Variants in CROCC2 observed in about 807,000 individuals in gnomAD.
CROCC2 encodes the protein ciliary rootlet coiled-coil protein 2.
Under a neutral mutation model 177.6 loss-of-function variants are expected in CROCC2, and 163 were observed. That is an observed-to-expected ratio of 0.92 (90% CI 0.81 to 1.05). The LOEUF (loss-of-function observed/expected upper bound fraction) is 1.05, where lower values mean the gene tolerates loss of function less well. Among genes scored for constraint, CROCC2 ranks in the 50% least tolerant of loss-of-function variants. The pLI is 0.00. For synonymous variants in CROCC2, 904 were observed against 787.3 expected (o/e 1.15, Z -2.48); for missense variants, 1,929 against 1,797.8 (o/e 1.07, Z -1.32).
chr2:240,926,181 G>A (rs114389441), intron 5 of CROCC2, among the ~76,000 whole-genome samples: 143 of 152,352 alleles, frequency 9.4e-4, no homozygotes, highest in Middle Eastern at 3.4e-3. Context: ...GGAGAGGCAG[G>A]TTGTTCTCCG....
rs2059541298 is a variant in CROCC2, at chr2:240,949,568, C to T, written c.2518C>T (p.Gln840Ter). The T allele has an allele frequency of 1.3e-6, 2 of 1,550,552 alleles. No homozygotes were observed. Among genetic ancestry groups the T allele is most frequent in the Non-Finnish European group, 1.7e-6 (2 of 1,146,944 alleles). The change falls in exon 17 of 32, where the codon CAG (glutamine) becomes TAG (stop). Residue 840 changes from glutamine (Q) to a stop codon, truncating the protein, a stop_gained. Transcript: ENST00000690015. LOFTEE classifies it high-confidence loss of function. This position sits in a 1 kb window ranked among gnomAD's most constrained non-coding sequence, Gnocchi z 4.5. ...GCAGCTACAAAGTGACTGGGAGGTC[C>T]AGGAAATGAAGCTGCGGCAGGACAC... ...MEQLQSDWEVQEMKLRQDTVR... is the reference protein window; with the variant it reads ...MEQLQSDWEV
intron 18 of CROCC2, among the ~76,000 whole-genome samples, chr2:240,951,879 C>T (rs754409070): frequency 6.6e-6 from 1 of 152,224 alleles, no homozygotes; most frequent in Non-Finnish European, 1.5e-5. Context: ...ATCTGGCCAT[C>T]CTTCCATCCC....
At chr2:240,912,202 T>A (rs1024535938) in intron 1 of CROCC2, among the ~76,000 whole-genome samples, 20 of 152,196 alleles carry the variant, frequency 1.3e-4, no homozygotes, top group African/African-American at 4.8e-4. Context: ...TGTGTGGGTT[T>A]TTCCTGACAC....
intron 27 of CROCC2, among the ~76,000 whole-genome samples, chr2:240,974,525 CTTTTTTTTCTTTTTTT>C (rs1351404099): frequency 1.5e-5 from 1 of 68,500 alleles, no homozygotes; most frequent in Non-Finnish European, 2.8e-5. Context: ...TATTTTCTTT[CTTTTTTTTCTTTTTTT>C]TTTTTTTTTG....
At chr2:240,950,550 C>A in intron 18 of CROCC2, 40 bp downstream of exon 18, 1 of 1,522,758 alleles carries the variant, frequency 6.6e-7, no homozygotes, top group Non-Finnish European at 8.8e-7. Context: ...TGCTCACACC[C>A]ACTGCACCTG....
At chr2:240,933,962 T>A (rs932334741) in intron 11 of CROCC2, 110 bp downstream of exon 11, 38 of 1,223,302 alleles carry the variant, frequency 3.1e-5, no homozygotes, top group Non-Finnish European at 4.3e-5. Context: ...ACCTGTCTCA[T>A]CTCAGGGTGT....
intron 22 of CROCC2, among the ~76,000 whole-genome samples, chr2:240,964,866 AC>A (rs1401423953): frequency 6.6e-6 from 1 of 152,112 alleles, no homozygotes; most frequent in Non-Finnish European, 1.5e-5. Flanking sequence ...GAGGAAGGGA[AC>A]CATGCCCAGC....
At chr2:240,915,863 C>T (rs964147265) in intron 1 of CROCC2, among the ~76,000 whole-genome samples, 4 of 152,130 alleles carry the variant, frequency 2.6e-5, no homozygotes, top group Non-Finnish European at 4.4e-5. Context: ...AGATAGGGGC[C>T]GGGCTCAGCT....
chr2:240,966,928 A>C (rs191840789), intron 25 of CROCC2, among the ~76,000 whole-genome samples: 2 of 150,772 alleles, frequency 1.3e-5, no homozygotes, highest in Admixed American at 1.3e-4. Context: ...CTCTGTGCAC[A>C]CTCCTTCCCT....
rs559021323 is a variant in CROCC2 at position 240,958,663 on chromosome 2, G to C, written c.2944-638G>C. On this transcript the variant is annotated intron_variant, in intron 19 of 31. Transcript: ENST00000690015. This position sits in a 1 kb window ranked among gnomAD's most constrained non-coding sequence, Gnocchi z 6.7. ...GCAGAGCCTGAGCAGGGCAGGGCTCGGACCCTTCATGTTGAGGACACTGAG... is the reference window on the plus strand; with the variant it reads ...GCAGAGCCTGAGCAGGGCAGGGCTCCGACCCTTCATGTTGAGGACACTGAG... The C allele has an allele frequency of 1.1e-6, 1 of 881,842 alleles. No homozygotes were observed. Among genetic ancestry groups the C allele is most frequent in the Non-Finnish European group, 1.4e-6 (1 of 735,298 alleles). The allele number at this position is 881,842 out of a possible 1,614,324, so 54.6% of individuals were successfully genotyped here. A position where few individuals can be genotyped will look rare whatever the true frequency, so the allele number is the denominator to read the frequency against.
intron 14 of CROCC2, among the ~76,000 whole-genome samples, chr2:240,937,710 G>A (rs1413626783): frequency 1.3e-5 from 2 of 152,164 alleles, no homozygotes; most frequent in Non-Finnish European, 2.9e-5. Flanking sequence ...CTCCACGTGT[G>A]CTTCCCAGAC....
At position 240,955,011 on chromosome 2, in the gene CROCC2, C is replaced by G. The variant is rs971444293; in HGVS notation, c.2830-848C>G. 2.6e-5 allele frequency: 4 copies of G among 152,282 alleles called. No homozygotes were observed. In the Middle Eastern group the frequency reaches 0.01, roughly 388 times the overall value. The allele number at this position is 152,282 out of a possible 1,614,324, so 9.4% of individuals were successfully genotyped here. A position where few individuals can be genotyped will look rare whatever the true frequency, so the allele number is the denominator to read the frequency against. ...AATATACAGCGTTACCTCCCCAACA[C>G]TGCATTTTTAATACAAAAGGAATGA... is the stretch of plus-strand genomic sequence containing the variant. On this transcript the variant is annotated intron_variant, in intron 18 of 31. Transcript: ENST00000690015.
rs776866253 is a variant in CROCC2 at position 240,946,276 on chromosome 2, G to C, written c.2363+23G>C. 9 of 1,509,432 alleles carry C rather than the reference G, an allele frequency of 6.0e-6. No homozygotes were observed. In the South Asian group the frequency reaches 1.1e-4, roughly 19 times the overall value. 93.5% of individuals were successfully genotyped at this position (1,509,432 alleles called of 1,614,324 possible). ...CAGGTATGCAAGGGCCTGCCAGTCA[G>C]GGCATGTCCCACGTGTCCTTGCCCA... On this transcript the variant is annotated intron_variant, in intron 15 of 31. Coordinates refer to ENST00000690015, the MANE Select transcript of CROCC2 (RefSeq NM_001351305.2).
rs2059412171 is a variant in CROCC2 at position 240,929,160 on chromosome 2, G to C, written c.646-1006G>C. ...ATCTCAGGTGTGGGATCAGGTGAGG[G>C]GGTCAGGCAAGCTTCATGAAGGTGA... is the stretch of plus-strand genomic sequence containing the variant. On this transcript the variant is annotated intron_variant, in intron 5 of 31. Coordinates refer to ENST00000690015, the MANE Select transcript of CROCC2 (RefSeq NM_001351305.2). Among the ~76,000 whole-genome samples the C allele has an allele frequency of 2.6e-5, 4 of 152,118 alleles. No individual in the cohort carries two copies. In the South Asian group the frequency reaches 8.3e-4, roughly 31 times the overall value.
chr2:240,961,927 G>A (rs994847073), intron 20 of CROCC2, among the ~76,000 whole-genome samples: 1 of 144,998 alleles, frequency 6.9e-6, no homozygotes, highest in African/African-American at 2.6e-5. Flanking sequence ...GCATACGGAC[G>A]TGCACACACA....
At position 240,918,769 on chromosome 2, in the gene CROCC2, A is replaced by AC. The variant is rs1229038527; in HGVS notation, c.124dup (p.Arg42ProfsTer23). ...CTGAGTCCCACAGCCAGCAGGGAAG[A>AC]CCGGGCGCTGACCGTGCGTGGGGAA... On this transcript the variant is annotated frameshift_variant, in exon 2 of 32. Coordinates refer to ENST00000690015, the MANE Select transcript of CROCC2 (RefSeq NM_001351305.2). LOFTEE classifies it high-confidence loss of function. The surrounding 1 kb of genome is among the most constrained non-coding windows in gnomAD (Gnocchi z 6.3). 1.7e-6 allele frequency: 1 copy of AC among 586,948 alleles called. No individual in the cohort carries two copies. The highest frequency in any genetic ancestry group is 3.1e-6 in the Non-Finnish European group (1 of 322,966). The allele number at this position is 586,948 out of a possible 1,614,324, so 36.4% of individuals were successfully genotyped here.
chr2:240,928,604 G>A (rs2059408877), intron 5 of CROCC2, among the ~76,000 whole-genome samples: 1 of 152,224 alleles, frequency 6.6e-6, no homozygotes, highest in Non-Finnish European at 1.5e-5. Flanking sequence ...TAATCTGGCA[G>A]CCACACCTCC....
chr2:240,959,261 C>T lies in CROCC2; in HGVS notation c.2944-40C>T, dbSNP rs114892633. On this transcript the variant is annotated intron_variant, in intron 19 of 31. Coordinates refer to ENST00000690015, the MANE Select transcript of CROCC2 (RefSeq NM_001351305.2). Reference sequence around the variant, plus strand: ...TTACCTCACCCTCCACTGCTGGGCCCAGCTCCCTGGTGCCACCGTGGGCTC... The same window carrying T: ...TTACCTCACCCTCCACTGCTGGGCCTAGCTCCCTGGTGCCACCGTGGGCTC... 1.5e-3 allele frequency: 2,309 copies of T among 1,545,018 alleles called. 33 individuals carry two copies. The African/African-American group carries it at 0.027, about 18-fold the overall frequency.
rs2059624427 is a variant in CROCC2 at position 240,960,513 on chromosome 2, G to A, written c.3087+1069G>A. Reference sequence around the variant, plus strand: ...AGGGGGGTTGGCAGGACGGGGGGACGCCTGTGTGTGGCAAGGGCAGGAGGG... The same window carrying A: ...AGGGGGGTTGGCAGGACGGGGGGACACCTGTGTGTGGCAAGGGCAGGAGGG... On this transcript the variant is annotated intron_variant, in intron 20 of 31. Coordinates refer to ENST00000690015, the MANE Select transcript of CROCC2 (RefSeq NM_001351305.2). This position sits in a 1 kb window ranked among gnomAD's most constrained non-coding sequence, Gnocchi z 5.0. Among the ~76,000 whole-genome samples, 1 of 152,016 alleles carries A rather than the reference G, an allele frequency of 6.6e-6. No individual in the cohort carries two copies. Among genetic ancestry groups the A allele is most frequent in the Non-Finnish European group, 1.5e-5 (1 of 67,964 alleles).
Sources: gnomAD v4.1 joint callset for allele counts (sites outside exome capture counted in the v4.1 genomes callset) on GRCh38, gnomAD v4.1.1 for gene constraint, Gnocchi (gnomAD v3.1) non-coding constraint, MANE v1.5 for transcripts, NCBI Gene and HGNC (gene_info 2026-07-23, HGNC 2026-07-21) for gene names.